The following POLD3 variants were observed in gnomAD, a reference collection of about 807,000 sequenced individuals.
The protein encoded by POLD3 is DNA polymerase delta 3, accessory subunit, also known as DNA polymerase delta subunit 3.
POLD3 carries 19 observed loss-of-function variants against 58.2 expected under a neutral mutation model. That is an observed-to-expected ratio of 0.33 (90% CI 0.23 to 0.48). The LOEUF is 0.48. Among genes scored for constraint, POLD3 ranks in the 20% least tolerant of loss-of-function variants. The pLI is 0.99. For synonymous variants in POLD3, 172 were observed against 193.5 expected (o/e 0.89, Z 0.92); for missense variants, 504 against 545.5 (o/e 0.92, Z 0.76).
chr11:74,649,821 A>G (rs910169630), intron 4 of POLD3, among the ~76,000 whole-genome samples: 7 of 152,190 alleles, frequency 4.6e-5, no homozygotes, highest in Non-Finnish European at 1.0e-4. Context: ...CAGCCTGGCC[A>G]ACATGGTGAA....
At chr11:74,612,816 T>C in intron 4 of POLD3, 62 bp from the exon 5 acceptor site, 1 of 1,476,986 alleles carries the variant, frequency 6.8e-7, no homozygotes, top group Non-Finnish European at 9.2e-7. Context: ...GGTTTCTTGT[T>C]AAAGTCCCCA....
chr11:74,602,183 ATCC>A (rs1228570158), intron 2 of POLD3, among the ~76,000 whole-genome samples: 1 of 151,860 alleles, frequency 6.6e-6, no homozygotes. Context: ...TGCTCAAGCT[ATCC>A]TCCTGCTTCT....
downstream of POLD3, among the ~76,000 whole-genome samples, chr11:74,647,230 G>T (rs1173975488): frequency 6.6e-5 from 10 of 152,186 alleles, 1 homozygote; most frequent in Admixed American, 3.3e-4. Flanking sequence ...CCCGGGGGTT[G>T]GGGACCCCTG....
intron 9 of POLD3, among the ~76,000 whole-genome samples, chr11:74,632,209 G>A (rs1428433586): frequency 6.6e-6 from 1 of 152,128 alleles, no homozygotes; most frequent in Non-Finnish European, 1.5e-5. Context: ...AGCTGTGAAT[G>A]GTTTCCAGGA....
At chr11:74,609,443 G>C (rs1468857565) in intron 3 of POLD3, among the ~76,000 whole-genome samples, 1 of 135,360 alleles carries the variant, frequency 7.4e-6, no homozygotes, top group Non-Finnish European at 1.5e-5. Context: ...GTGCAGTGGC[G>C]TGATCTCAGC....
intron 9 of POLD3, among the ~76,000 whole-genome samples, chr11:74,631,554 G>A (rs1024161130): frequency 2.1e-5 from 3 of 142,018 alleles, no homozygotes; most frequent in East Asian, 4.2e-4. Flanking sequence ...ATGCGATCTC[G>A]GCTCACTGCA....
At chr11:74,605,671 C>T (rs910337906) in intron 3 of POLD3, among the ~76,000 whole-genome samples, 24 of 152,182 alleles carry the variant, frequency 1.6e-4, no homozygotes, top group African/African-American at 4.8e-4. Flanking sequence ...CTCAGAGATC[C>T]GCTGTTTTCC....
intron 9 of POLD3, among the ~76,000 whole-genome samples, chr11:74,634,004 A>G (rs1237331638): frequency 6.6e-6 from 1 of 152,230 alleles, no homozygotes; most frequent in African/African-American, 2.4e-5. Context: ...GGTCACAGTG[A>G]AAGACTCTGG....
intron 5 of POLD3, among the ~76,000 whole-genome samples, chr11:74,614,038 C>G (rs926506316): frequency 6.6e-6 from 1 of 152,174 alleles, no homozygotes; most frequent in Non-Finnish European, 1.5e-5. Context: ...AGAAAACATG[C>G]TTGTGCAGAA....
rs776265896 is a variant in POLD3 at position 74,592,767 on chromosome 11, C to T, written c.60+49C>T. 1.2e-6 allele frequency: 2 copies of T among 1,609,302 alleles called. 1 individual carries two copies. Among genetic ancestry groups the T allele is most frequent in the South Asian group, 2.2e-5 (2 of 90,510 alleles). On this transcript the variant is annotated intron_variant, in intron 1 of 11. Transcript: ENST00000263681. Reference sequence around the variant, plus strand: ...GCGGGCGTGCGACCGGGGTCCTGGGCCCGGCTAGGGCGGCGGGAGCCTTGA... The same window carrying T: ...GCGGGCGTGCGACCGGGGTCCTGGGTCCGGCTAGGGCGGCGGGAGCCTTGA...
chr11:74,618,885 G>A, intron 6 of POLD3, 81 bp downstream of exon 6: 1 of 1,173,658 alleles, frequency 8.5e-7, no homozygotes, highest in Non-Finnish European at 1.2e-6. Flanking sequence ...AGTGGTAGTA[G>A]TTTATTTATA....
intron 5 of POLD3, among the ~76,000 whole-genome samples, chr11:74,617,508 T>C (rs1328800763): frequency 1.3e-5 from 2 of 152,064 alleles, no homozygotes; most frequent in African/African-American, 4.8e-5. Context: ...TTCAAGCAAT[T>C]CTCTTGCCTC....
At chr11:74,624,742 T>C (rs1178484710) in intron 7 of POLD3, among the ~76,000 whole-genome samples, 2 of 152,014 alleles carry the variant, frequency 1.3e-5, no homozygotes, top group Non-Finnish European at 2.9e-5. Flanking sequence ...GGTTAAGGAC[T>C]TTGAGGAGTT....
At chr11:74,595,605 C>T (rs1410908255) in intron 2 of POLD3, 1 of 152,090 alleles carries the variant, frequency 6.6e-6, no homozygotes, top group Non-Finnish European at 1.5e-5. Context: ...TGCTTTGAAG[C>T]ACAGACATTT....
chr11:74,651,739 T>TG (rs1354930706), intron 4 of POLD3, among the ~76,000 whole-genome samples: 5 of 152,190 alleles, frequency 3.3e-5, no homozygotes, highest in Non-Finnish European at 5.9e-5. Context: ...GGCATGTGGC[T>TG]GTAGCCTGGT....
At chr11:74,668,791 C>A in exon 5 of POLD3, 2 of 1,288,064 alleles carry the variant, frequency 1.6e-6, no homozygotes, top group South Asian at 2.5e-5. Context: ...GCTGGACATG[C>A]AGTCCCACTC....
chr11:74,647,714 A>C (rs991230501), downstream of POLD3, among the ~76,000 whole-genome samples: 3 of 152,176 alleles, frequency 2.0e-5, no homozygotes, highest in African/African-American at 7.2e-5. Flanking sequence ...ATCTGTTGGG[A>C]AGGCAAAAAA....
At chr11:74,638,947 A>C (rs922252097) in intron 11 of POLD3, among the ~76,000 whole-genome samples, 3 of 152,204 alleles carry the variant, frequency 2.0e-5, no homozygotes, top group African/African-American at 7.2e-5. Flanking sequence ...ATCAAAGTGA[A>C]TTCTGGGCTC....
At position 74,640,768 on chromosome 11, in the gene POLD3, C is replaced by T; in HGVS notation, c.*2C>T. 5 of 1,579,348 alleles carry T rather than the reference C, an allele frequency of 3.2e-6. No individual in the cohort carries two copies. The highest frequency in any genetic ancestry group is 1.2e-5 in the South Asian group (1 of 84,190). On this transcript the variant is annotated 3_prime_UTR_variant, in exon 12 of 12. Coordinates refer to ENST00000263681, the MANE Select transcript of POLD3 (RefSeq NM_006591.3). The stretch of plus-strand genomic sequence containing the variant: ...ACTGGCTTCTTCCAGAGGAAATAAA[C>T]TGCCATCTCTGGTAGATCAGAGACT...
Sources: gnomAD v4.1 joint callset for allele counts (sites outside exome capture counted in the v4.1 genomes callset) on GRCh38, gnomAD v4.1.1 for gene constraint, MANE v1.5 for transcripts, NCBI Gene and HGNC (gene_info 2026-07-23, HGNC 2026-07-21) for gene names.